Variants in ZNF423 observed in about 807,000 individuals in gnomAD.
The protein encoded by ZNF423 is zinc finger protein 423, also known as Ebf-associated zinc finger protein.
In ZNF423, 12 loss-of-function variants were observed where a neutral mutation model predicts 95.8. The ratio of observed to expected loss-of-function variants is 0.13; its 90% CI spans 0.08 to 0.20. The LOEUF (loss-of-function observed/expected upper bound fraction) is 0.20, where lower values mean the gene tolerates loss of function less well. Among genes scored for constraint, ZNF423 ranks in the 10% least tolerant of loss-of-function variants. The probability of loss-of-function intolerance (pLI) is 1.00; values close to 1 mark genes in which losing one functional copy is unlikely to be tolerated. For synonymous variants in ZNF423, 749 were observed against 711.9 expected, an observed-to-expected ratio of 1.05 and a Z score of -0.83; for missense variants, 1,316 against 1,737.1, an observed-to-expected ratio of 0.76 and a Z score of 4.31.
At chr16:49,679,208 A>G (rs574451848) in intron 3 of ZNF423, among the ~76,000 whole-genome samples, 6 of 152,264 alleles carry the variant, frequency 3.9e-5, no homozygotes, top group Admixed American at 1.3e-4. Flanking sequence ...AGCAGCACCC[A>G]GTCTGGAGCG....
chr16:49,594,909 C>T (rs527491964), intron 5 of ZNF423, among the ~76,000 whole-genome samples: 5 of 152,300 alleles, frequency 3.3e-5, no homozygotes, highest in South Asian at 2.1e-4. Flanking sequence ...AGCAAGAGGG[C>T]GGAAGGAGGC....
At chr16:49,590,889 G>C in intron 5 of ZNF423, among the ~76,000 whole-genome samples, 1 of 152,208 alleles carries the variant, frequency 6.6e-6, no homozygotes, top group East Asian at 1.9e-4. Context: ...AGAAGGAGGG[G>C]AAAGTCACCC....
intron 3 of ZNF423, among the ~76,000 whole-genome samples, chr16:49,665,587 G>A (rs1337351719): frequency 6.6e-6 from 1 of 152,134 alleles, no homozygotes; most frequent in Non-Finnish European, 1.5e-5. Flanking sequence ...GCCTGGAAGT[G>A]AGACTGAGGT....
intron 3 of ZNF423, chr16:49,664,357 G>T: frequency 1.1e-6 from 1 of 921,536 alleles, no homozygotes; most frequent in Non-Finnish European, 1.3e-6. Flanking sequence ...CCTTGGGGAA[G>T]AAAAGGGGCT....
At chr16:49,745,998 G>A (rs1284032914) in intron 2 of ZNF423, among the ~76,000 whole-genome samples, 1 of 152,090 alleles carries the variant, frequency 6.6e-6, no homozygotes, top group Non-Finnish European at 1.5e-5. Context: ...CTAAAATGAG[G>A]ACAGGTGCAG....
intron 2 of ZNF423, among the ~76,000 whole-genome samples, chr16:49,738,210 TGGC>T (rs1231011685): frequency 6.6e-6 from 1 of 152,216 alleles, no homozygotes; most frequent in Non-Finnish European, 1.5e-5. Flanking sequence ...CCATTCATCT[TGGC>T]GGCCTCAAAG....
intron 5 of ZNF423, among the ~76,000 whole-genome samples, chr16:49,578,689 A>G (rs1179880462): frequency 6.6e-6 from 1 of 152,210 alleles, no homozygotes; most frequent in Non-Finnish European, 1.5e-5. Flanking sequence ...GGGCTCCCAC[A>G]GTAGGCAGCC....
intron 5 of ZNF423, among the ~76,000 whole-genome samples, chr16:49,569,118 C>G (rs1025659215): frequency 6.6e-6 from 1 of 152,194 alleles, no homozygotes; most frequent in African/African-American, 2.4e-5. Flanking sequence ...CACAATCTAC[C>G]CTCTCCTTTC....
Position 49,492,171 on chromosome 16 carries a change from T to G in ZNF423, c.3850-867A>C, listed in dbSNP as rs1966997830. Reference sequence around the variant, plus strand: ...TTGGCATCTGAAAGCCGTCTTTTTGTTTCTTTTCAGTGGTTCGTGTTCCAA... The same window carrying G: ...TTGGCATCTGAAAGCCGTCTTTTTGGTTCTTTTCAGTGGTTCGTGTTCCAA... On this transcript the variant is annotated intron_variant, in intron 7 of 7. Coordinates refer to ENST00000563137, the MANE Select transcript of ZNF423 (RefSeq NM_001379286.1). The surrounding 1 kb of genome is among the most constrained non-coding windows in gnomAD (Gnocchi z 4.2). Among the ~76,000 whole-genome samples the G allele has an allele frequency of 6.6e-6, 1 of 152,226 alleles. No individual in the cohort carries two copies. The highest frequency in any genetic ancestry group is 2.1e-4 in the South Asian group (1 of 4,838).
chr16:49,838,599 G>T (rs1055728757), intron 1 of ZNF423, among the ~76,000 whole-genome samples: 6 of 152,084 alleles, frequency 3.9e-5, no homozygotes, highest in Non-Finnish European at 8.8e-5. Flanking sequence ...TGGCTGGCGG[G>T]CCCGCAGCCC....
At chr16:49,542,917 G>C (rs149838929) in intron 5 of ZNF423, among the ~76,000 whole-genome samples, 1 of 152,174 alleles carries the variant, frequency 6.6e-6, no homozygotes, top group Admixed American at 6.5e-5. Flanking sequence ...GGTGCAGCGA[G>C]AGGTTCTGTC....
chr16:49,712,708 T>C (rs1260416403), intron 3 of ZNF423, among the ~76,000 whole-genome samples: 1 of 152,260 alleles, frequency 6.6e-6, no homozygotes, highest in African/African-American at 2.4e-5. Context: ...ATAGCTTTGG[T>C]GCTCAGAGCA....
intron 1 of ZNF423, among the ~76,000 whole-genome samples, chr16:49,834,483 A>T (rs1053706156): frequency 6.6e-6 from 1 of 152,178 alleles, no homozygotes; most frequent in Non-Finnish European, 1.5e-5. Flanking sequence ...CAGCCTCTCC[A>T]GCAGAGATTT....
chr16:49,729,913 C>A (rs2033120197), intron 3 of ZNF423, among the ~76,000 whole-genome samples: 1 of 152,078 alleles, frequency 6.6e-6, no homozygotes, highest in African/African-American at 2.4e-5. Flanking sequence ...AGAATGCAGG[C>A]CTGAGATTTC....
At chr16:49,809,649 T>C (rs1374987454) in intron 1 of ZNF423, among the ~76,000 whole-genome samples, 1 of 152,148 alleles carries the variant, frequency 6.6e-6, no homozygotes, top group African/African-American at 2.4e-5. Flanking sequence ...CATCCTCCCA[T>C]AGCAGACCAC....
intron 2 of ZNF423, among the ~76,000 whole-genome samples, chr16:49,758,342 T>A (rs986383612): frequency 6.6e-6 from 1 of 152,128 alleles, no homozygotes; most frequent in Non-Finnish European, 1.5e-5. Context: ...TTTCGTCATG[T>A]TGGCCAGGCT....
intron 7 of ZNF423, chr16:49,517,938 AAGACCATTGTTTTT>A: frequency 2.2e-6 from 1 of 454,168 alleles, no homozygotes; most frequent in Non-Finnish European, 4.4e-6. Context: ...AACTGATCAA[AAGACCATTGTTTTT>A]AGGAGCAGCA....
intron 1 of ZNF423, among the ~76,000 whole-genome samples, chr16:49,825,091 G>T (rs1419338666): frequency 6.6e-6 from 1 of 152,146 alleles, no homozygotes; most frequent in East Asian, 1.9e-4. Context: ...AACCACTTAT[G>T]CATTACTCCA....
chr16:49,818,604 A>T (rs2034892316), intron 1 of ZNF423, among the ~76,000 whole-genome samples: 1 of 152,106 alleles, frequency 6.6e-6, no homozygotes, highest in African/African-American at 2.4e-5. Context: ...AATAAAAAAG[A>T]ACTGGGTGCA....
Sources: allele counts gnomAD v4.1 joint callset (sites outside exome capture counted in the v4.1 genomes callset), GRCh38; gene constraint gnomAD v4.1.1; non-coding constraint Gnocchi (gnomAD v3.1); transcripts MANE v1.5; gene names NCBI Gene and HGNC (gene_info 2026-07-23, HGNC 2026-07-21).